Variants in TIAM1 observed in about 807,000 individuals in gnomAD.
TIAM1 encodes TIAM Rac1 associated GEF 1.
Under a neutral mutation model 163.5 loss-of-function variants are expected in TIAM1, and 65 were observed. The ratio of observed to expected loss-of-function variants is 0.40; its 90% CI spans 0.33 to 0.49. The LOEUF (loss-of-function observed/expected upper bound fraction) is 0.49. Among genes scored for constraint, TIAM1 ranks in the 20% least tolerant of loss-of-function variants. The pLI, the probability that TIAM1 is intolerant of heterozygous loss-of-function variation, is 0.77. For synonymous variants in TIAM1, 833 were observed against 810.1 expected, an observed-to-expected ratio of 1.03 and a Z score of -0.48; for missense variants, 1,789 against 2,044.7, an observed-to-expected ratio of 0.87 and a Z score of 2.41.
At position 31,120,142 on chromosome 21, in the gene TIAM1, T is replaced by C. The variant is rs1021153482; in HGVS notation, c.*226A>G. 1.9e-6 allele frequency: 1 copy of C among 527,410 alleles called. No homozygotes were observed. Among genetic ancestry groups the C allele is most frequent in the Non-Finnish European group, 3.3e-6 (1 of 299,408 alleles). The allele number at this position is 527,410 out of a possible 1,614,324, so 32.7% of individuals were successfully genotyped here. A position where few individuals can be genotyped will look rare whatever the true frequency, so the allele number is the denominator to read the frequency against. On this transcript the variant is annotated 3_prime_UTR_variant, in exon 28 of 28. Coordinates refer to ENST00000541036, the MANE Select transcript of TIAM1 (RefSeq NM_001353694.2). This position sits in a 1 kb window ranked among gnomAD's most constrained non-coding sequence, Gnocchi z 4.2. ...GAATAAATAAAAGCCCTTAGTAATA[T>C]ACAGAAGATAGGACTCAAGCTTATT...
chr21:31,525,627 A>C (rs1411423810), intron 1 of TIAM1, among the ~76,000 whole-genome samples: 1 of 152,204 alleles, frequency 6.6e-6, no homozygotes, highest in Non-Finnish European at 1.5e-5. Flanking sequence ...TCACACTGCT[A>C]GCAGGGCCAG....
intron 1 of TIAM1, among the ~76,000 whole-genome samples, chr21:31,524,743 C>G (rs2047722530): frequency 6.6e-6 from 1 of 152,286 alleles, no homozygotes; most frequent in South Asian, 2.1e-4. Context: ...GCTCCTTTAG[C>G]TAGATAATTA....
intron 25 of TIAM1, among the ~76,000 whole-genome samples, chr21:31,127,681 G>T (rs1250100578): frequency 1.3e-5 from 2 of 152,182 alleles, no homozygotes; most frequent in African/African-American, 4.8e-5. Context: ...CTCCCAAAGT[G>T]CTGGGATTAC....
In TIAM1 at chr21:31,339,284, G is replaced by A. The variant is rs1398819647; in HGVS notation, c.-230C>T. 5.0e-6 allele frequency: 2 copies of A among 398,372 alleles called. No homozygotes were observed. Among genetic ancestry groups the A allele is most frequent in the Non-Finnish European group, 8.8e-6 (2 of 226,052 alleles). 24.7% of individuals were successfully genotyped at this position (398,372 alleles called of 1,614,324 possible). On this transcript the variant is annotated 5_prime_UTR_variant, in exon 2 of 28. Transcript: ENST00000541036. ...GAGGCTTTGTCAAGATCTCCAAATGGGCCATCTGCAGGGACTGCTCACATA... is the reference window on the plus strand; with the variant it reads ...GAGGCTTTGTCAAGATCTCCAAATGAGCCATCTGCAGGGACTGCTCACATA...
At chr21:31,127,992 G>A (rs1885860265) in intron 25 of TIAM1, among the ~76,000 whole-genome samples, 1 of 152,158 alleles carries the variant, frequency 6.6e-6, no homozygotes, top group Admixed American at 6.5e-5. Context: ...TATCAAGAAG[G>A]TAAGGGACAA....
chr21:31,525,398 G>A (rs1480624954), intron 1 of TIAM1, among the ~76,000 whole-genome samples: 1 of 151,630 alleles, frequency 6.6e-6, no homozygotes, highest in Non-Finnish European at 1.5e-5. Context: ...GATCTGACGG[G>A]AACTCATAGA....
At chr21:31,504,727 C>A (rs908379915) in intron 1 of TIAM1, among the ~76,000 whole-genome samples, 1 of 152,132 alleles carries the variant, frequency 6.6e-6, no homozygotes, top group African/African-American at 2.4e-5. Context: ...ACGTTCAGAT[C>A]CCAAGTCATC....
intron 1 of TIAM1, among the ~76,000 whole-genome samples, chr21:31,482,068 T>TAA (rs2046127422): frequency 1.4e-5 from 1 of 72,732 alleles, no homozygotes; most frequent in Non-Finnish European, 3.3e-5. Context: ...AAAGTGTGTG[T>TAA]GTGTGTGTGT....
At chr21:31,179,892 A>G (rs1431916026) in intron 15 of TIAM1, among the ~76,000 whole-genome samples, 1 of 150,832 alleles carries the variant, frequency 6.6e-6, no homozygotes, top group Non-Finnish European at 1.5e-5. Flanking sequence ...ACGTACATAT[A>G]CATACACAGA....
At chr21:31,496,191 T>TC (rs1223986408) in intron 1 of TIAM1, among the ~76,000 whole-genome samples, 2 of 151,674 alleles carry the variant, frequency 1.3e-5, no homozygotes, top group Admixed American at 1.3e-4. Flanking sequence ...AAAAAGGATG[T>TC]AAAGAAGGAG....
chr21:31,394,802 A>G (rs2077034672), intron 2 of TIAM1, among the ~76,000 whole-genome samples: 1 of 150,788 alleles, frequency 6.6e-6, no homozygotes, highest in African/African-American at 2.5e-5. Flanking sequence ...GCAAACACAC[A>G]GGGCTCCTGT....
intron 2 of TIAM1, among the ~76,000 whole-genome samples, chr21:31,315,604 G>A (rs577277396): frequency 1.3e-5 from 2 of 149,982 alleles, no homozygotes; most frequent in South Asian, 2.1e-4. Flanking sequence ...GAACCAGGGA[G>A]GCGGAGGTTG....
intron 2 of TIAM1, among the ~76,000 whole-genome samples, chr21:31,363,161 G>A (rs1291943176): frequency 6.6e-6 from 1 of 152,084 alleles, no homozygotes; most frequent in African/African-American, 2.4e-5. Flanking sequence ...AACTGCGGAC[G>A]TCAGCCTAAA....
chr21:31,301,532 G>A (rs845938), intron 2 of TIAM1, among the ~76,000 whole-genome samples: 96,022 of 151,728 alleles, frequency 0.63, 31,918 homozygotes, highest in African/African-American at 0.85. Context: ...CTTAGAGAAT[G>A]AAAACATTAT....
At chr21:31,256,090 G>A (rs2072084349) in intron 4 of TIAM1, among the ~76,000 whole-genome samples, 1 of 152,184 alleles carries the variant, frequency 6.6e-6, no homozygotes, top group Non-Finnish European at 1.5e-5. Context: ...AAATGAGGGA[G>A]GCAAGAGGCA....
chr21:31,336,350 G>A (rs1398449914), intron 2 of TIAM1, among the ~76,000 whole-genome samples: 1 of 152,268 alleles, frequency 6.6e-6, no homozygotes, highest in East Asian at 1.9e-4. Flanking sequence ...CCCTCCGGGG[G>A]GAAGATGGGC....
At chr21:31,313,992 G>A (rs1256057261) in intron 2 of TIAM1, among the ~76,000 whole-genome samples, 7 of 152,228 alleles carry the variant, frequency 4.6e-5, no homozygotes, top group Admixed American at 1.3e-4. Flanking sequence ...CCTAATGGGA[G>A]TGTAAGATGT....
chr21:31,193,309 A>C (rs2085658910), intron 13 of TIAM1, among the ~76,000 whole-genome samples: 3 of 152,130 alleles, frequency 2.0e-5, no homozygotes. Flanking sequence ...ACAGTGCCTA[A>C]ACTGTGGTAC....
chr21:31,488,720 T>G (rs112024416), intron 1 of TIAM1, among the ~76,000 whole-genome samples: 3 of 146,596 alleles, frequency 2.0e-5, no homozygotes, highest in African/African-American at 8.2e-5. Context: ...AGGGAAACCA[T>G]CCCCATGATT....
Sources: allele counts gnomAD v4.1 joint callset (sites outside exome capture counted in the v4.1 genomes callset), GRCh38; gene constraint gnomAD v4.1.1; non-coding constraint Gnocchi (gnomAD v3.1); transcripts MANE v1.5; gene names NCBI Gene and HGNC (gene_info 2026-07-23, HGNC 2026-07-21).